The following ZMYM2 variants were observed in gnomAD, a reference collection of about 807,000 sequenced individuals.
ZMYM2 encodes the protein zinc finger MYM-type protein 2.
Under a neutral mutation model 162.8 loss-of-function variants are expected in ZMYM2, and 56 were observed. The ratio of observed to expected loss-of-function variants is 0.34; its 90% CI spans 0.28 to 0.43. The LOEUF (loss-of-function observed/expected upper bound fraction) is 0.43, where lower values mean the gene tolerates loss of function less well. Among genes scored for constraint, ZMYM2 ranks in the 20% least tolerant of loss-of-function variants. The pLI is 1.00. For missense variants in ZMYM2, 1,275 were observed against 1,621.8 expected, an observed-to-expected ratio of 0.79 and a Z score of 3.67; for synonymous variants, 510 against 541.6, an observed-to-expected ratio of 0.94 and a Z score of 0.81.
intron 14 of ZMYM2, among the ~76,000 whole-genome samples, chr13:20,052,837 T>C (rs1955487208): frequency 6.6e-6 from 1 of 152,168 alleles, no homozygotes; most frequent in African/African-American, 2.4e-5. Context: ...GGTGGAATAA[T>C]GGAAAATGAG....
chr13:19,885,907 A>ACACATATATG, the ZMYM2 span, among the ~76,000 whole-genome samples: 9 of 30,268 alleles, frequency 3.0e-4, 1 homozygote, highest in African/African-American at 6.5e-4. Flanking sequence ...ACACATATAT[A>ACACATATATG]TGTATATACA....
intron 6 of ZMYM2, among the ~76,000 whole-genome samples, chr13:20,016,445 A>G (rs909623311): frequency 1.3e-5 from 2 of 152,138 alleles, no homozygotes; most frequent in Non-Finnish European, 2.9e-5. Context: ...GTATTCTCCC[A>G]TATATTTACT....
rs1289569861 is a variant in ZMYM2, at chr13:20,027,091, AAAT to A, written c.1736-104_1736-102del. On this transcript the variant is annotated intron_variant, in intron 8 of 24. Coordinates refer to ENST00000610343, the MANE Select transcript of ZMYM2 (RefSeq NM_197968.4). ...ACATAATCTTCAGTATTGAAGGTGCAAATAATAATAGTTTATTTTTTAACAGAA... is the reference window on the plus strand; with the variant it reads ...ACATAATCTTCAGTATTGAAGGTGCAAATAATAGTTTATTTTTTAACAGAA... 17 of 748,410 alleles carry A rather than the reference AAAT, an allele frequency of 2.3e-5. No individual in the cohort carries two copies. In the Admixed American group the frequency reaches 5.5e-4, roughly 24 times the overall value. 46.4% of individuals were successfully genotyped at this position (748,410 alleles called of 1,614,324 possible).
At chr13:19,940,894 G>C in the ZMYM2 span, among the ~76,000 whole-genome samples, 6 of 152,258 alleles carry the variant, frequency 3.9e-5, no homozygotes, top group African/African-American at 1.4e-4. Flanking sequence ...CCAGGCATGG[G>C]AATGCAAAGG....
intron 12 of ZMYM2, among the ~76,000 whole-genome samples, chr13:20,043,689 C>T (rs1012747736): frequency 1.3e-5 from 2 of 151,644 alleles, no homozygotes; most frequent in African/African-American, 4.9e-5. Flanking sequence ...ACTGCAGTGT[C>T]GTTGGTGGGG....
chr13:19,905,325 T>C, the ZMYM2 span, among the ~76,000 whole-genome samples: 1 of 152,138 alleles, frequency 6.6e-6, no homozygotes, highest in Non-Finnish European at 1.5e-5. Flanking sequence ...TTTTTTTCTA[T>C]TTCTGATGCT....
At chr13:19,881,775 A>G in the ZMYM2 span, among the ~76,000 whole-genome samples, 2 of 152,072 alleles carry the variant, frequency 1.3e-5, no homozygotes, top group Non-Finnish European at 2.9e-5. Context: ...CTTTGAGATC[A>G]GGAGTTCAAG....
chr13:19,876,806 C>T, the ZMYM2 span, among the ~76,000 whole-genome samples: 1 of 152,152 alleles, frequency 6.6e-6, no homozygotes, highest in South Asian at 2.1e-4. Flanking sequence ...AATAACTCCC[C>T]ATTTCCCCTG....
chr13:20,044,581 A>G (rs1351442975), intron 12 of ZMYM2, among the ~76,000 whole-genome samples: 4 of 152,136 alleles, frequency 2.6e-5, no homozygotes, highest in Non-Finnish European at 4.4e-5. Flanking sequence ...ATCTACTTTT[A>G]TAAAGTCAGT....
the ZMYM2 span, among the ~76,000 whole-genome samples, chr13:19,914,589 G>A: frequency 1.3e-5 from 2 of 152,202 alleles, no homozygotes; most frequent in South Asian, 4.1e-4. Context: ...GTTCTTACTG[G>A]AATAGACACT....
At chr13:19,879,266 T>C in the ZMYM2 span, among the ~76,000 whole-genome samples, 1 of 152,128 alleles carries the variant, frequency 6.6e-6, no homozygotes, top group Non-Finnish European at 1.5e-5. Flanking sequence ...CTTTGAATGG[T>C]ATAGTACTCT....
chr13:20,055,407 A>G (rs1235652593), intron 14 of ZMYM2, among the ~76,000 whole-genome samples: 1 of 152,136 alleles, frequency 6.6e-6, no homozygotes, highest in Non-Finnish European at 1.5e-5. Flanking sequence ...CAGCTCTCAT[A>G]CTGTAAACAA....
chr13:20,083,127 G>T, intron 23 of ZMYM2, 95 bp downstream of exon 23: 1 of 1,309,000 alleles, frequency 7.6e-7, no homozygotes, highest in Non-Finnish European at 1.0e-6. Context: ...CAGTGGTGCA[G>T]TCTCGGCTCA....
chr13:20,028,407 G>T (rs939997205), intron 9 of ZMYM2, among the ~76,000 whole-genome samples: 2 of 152,098 alleles, frequency 1.3e-5, no homozygotes, highest in Admixed American at 1.3e-4. Context: ...CTTGAACTTT[G>T]TTTTTTGATA....
At chr13:20,069,377 A>G (rs1164844349) in intron 21 of ZMYM2, among the ~76,000 whole-genome samples, 1 of 152,014 alleles carries the variant, frequency 6.6e-6, no homozygotes, top group Non-Finnish European at 1.5e-5. Context: ...CTTAGAGGAA[A>G]GTATTTTGTC....
chr13:20,059,320 A>T, intron 15 of ZMYM2, 127 bp from the exon 16 acceptor site: 1 of 894,432 alleles, frequency 1.1e-6, no homozygotes, highest in African/African-American at 3.1e-5. Flanking sequence ...AACTTAAAAA[A>T]ACTGGGAATT....
At chr13:19,958,075 G>A (rs1388799224), upstream of ZMYM2, among the ~76,000 whole-genome samples, 5 of 152,240 alleles carry the variant, frequency 3.3e-5, no homozygotes, top group African/African-American at 1.2e-4. Context: ...TGCAGCCATG[G>A]CGGGAGGTGG....
the ZMYM2 span, among the ~76,000 whole-genome samples, chr13:19,919,927 C>T: frequency 6.6e-6 from 1 of 152,080 alleles, no homozygotes; most frequent in Non-Finnish European, 1.5e-5. Flanking sequence ...CCTGCCTCAG[C>T]CTCCCAAAGT....
the ZMYM2 span, among the ~76,000 whole-genome samples, chr13:19,937,211 C>T: frequency 6.6e-6 from 1 of 151,770 alleles, no homozygotes; most frequent in Non-Finnish European, 1.5e-5. Context: ...TGCAATGGCA[C>T]TATCTTGGCC....
Sources: allele counts gnomAD v4.1 joint callset (sites outside exome capture counted in the v4.1 genomes callset), GRCh38; gene constraint gnomAD v4.1.1; transcripts MANE v1.5; gene names NCBI Gene and HGNC (gene_info 2026-07-23, HGNC 2026-07-21).